The following NRDE2 variants were observed in gnomAD, a reference collection of about 807,000 sequenced individuals.
NRDE2 encodes nuclear exosome regulator NRDE2.
NRDE2 carries 76 observed loss-of-function variants against 124.2 expected under a neutral mutation model. The ratio of observed to expected loss-of-function variants is 0.61; its 90% CI spans 0.51 to 0.74. The LOEUF (loss-of-function observed/expected upper bound fraction) is 0.74. NRDE2 is among the 30% of genes least tolerant of loss of function. The pLI, the probability that NRDE2 is intolerant of heterozygous loss-of-function variation, is 0.00. For missense variants in NRDE2, 1,314 were observed against 1,417.3 expected (o/e 0.93, Z 1.17); for synonymous variants, 489 against 528.1 (o/e 0.93, Z 1.01).
intron 3 of NRDE2, among the ~76,000 whole-genome samples, chr14:90,313,600 G>A (rs1343326537): frequency 6.6e-5 from 10 of 152,218 alleles, no homozygotes; most frequent in South Asian, 6.2e-4. Context: ...AACCACTCCC[G>A]GGGCGTTAAG....
At chr14:90,279,197 A>C in intron 12 of NRDE2, 64 bp from the exon 13 acceptor site, 1 of 1,259,866 alleles carries the variant, frequency 7.9e-7, no homozygotes, top group Non-Finnish European at 1.2e-6. Flanking sequence ...GGCTACACAA[A>C]CGCCCCTGGA....
At position 90,277,583 on chromosome 14, in the gene NRDE2, G is replaced by A. The variant is rs781278602; in HGVS notation, c.*753C>T. ...AGCAGCGTTGCTGCACAAGCGTGCC[G>A]GGCCCCTCATGCAGGCAGGGCTGGG... On this transcript the variant is annotated 3_prime_UTR_variant, in exon 14 of 14. Transcript: ENST00000354366. 6.6e-6 allele frequency: 1 copy of A among 152,348 alleles called. No individual in the cohort carries two copies. Among genetic ancestry groups the A allele is most frequent in the Non-Finnish European group, 1.5e-5 (1 of 68,136 alleles). 9.4% of individuals were successfully genotyped at this position (152,348 alleles called of 1,614,324 possible).
intron 8 of NRDE2, among the ~76,000 whole-genome samples, chr14:90,294,503 C>T (rs557336878): frequency 1.2e-4 from 18 of 152,194 alleles, no homozygotes; most frequent in African/African-American, 3.4e-4. Context: ...GAGAAGTGTT[C>T]GGCTTTAAAA....
chr14:90,328,325 A>G (rs1031468059), intron 1 of NRDE2, among the ~76,000 whole-genome samples: 1 of 149,456 alleles, frequency 6.7e-6, no homozygotes, highest in Non-Finnish European at 1.5e-5. Context: ...AAAAAAAAAG[A>G]AAAAAGTATT....
chr14:90,327,160 C>A (rs1480928660), intron 1 of NRDE2, among the ~76,000 whole-genome samples: 2 of 152,194 alleles, frequency 1.3e-5, no homozygotes, highest in Non-Finnish European at 2.9e-5. Context: ...CCAGGATTCC[C>A]TGGAGAAATG....
rs185891535 is a variant in NRDE2 at position 90,269,390 on chromosome 14, T to C, written c.*8946A>G. The C allele has an allele frequency of 1.2e-4, 193 of 1,595,872 alleles. No individual in the cohort carries two copies. The highest frequency in any genetic ancestry group is 9.1e-4 in the Middle Eastern group (4 of 4,380). Reference sequence around the variant, plus strand: ...TCTTCATTCCTTCCCTTTTTTTTTTTCCAAAGATATGACTCCAATTCTGGT... The same window carrying C: ...TCTTCATTCCTTCCCTTTTTTTTTTCCCAAAGATATGACTCCAATTCTGGT... On this transcript the variant is annotated 3_prime_UTR_variant, in exon 14 of 14. Coordinates refer to ENST00000354366, the MANE Select transcript of NRDE2 (RefSeq NM_017970.4).
intron 2 of NRDE2, among the ~76,000 whole-genome samples, chr14:90,317,239 C>A (rs968728563): frequency 6.6e-6 from 1 of 151,910 alleles, no homozygotes; most frequent in African/African-American, 2.4e-5. Context: ...CGTAGCAAGA[C>A]CTCATCTTTA....
intron 7 of NRDE2, 82 bp from the exon 8 acceptor site, chr14:90,298,462 TAA>T (rs1884264490): frequency 1.5e-6 from 2 of 1,359,874 alleles, no homozygotes; most frequent in South Asian, 2.3e-5. Flanking sequence ...CTGGTGGATA[TAA>T]GAGAAGCTTA....
chr14:90,309,102 C>G (rs965663158), intron 4 of NRDE2, among the ~76,000 whole-genome samples: 2 of 151,924 alleles, frequency 1.3e-5, no homozygotes, highest in East Asian at 1.9e-4. Flanking sequence ...TACAAAAAAA[C>G]TAGCCGGGCA....
In NRDE2 at chr14:90,298,308, C is replaced by A. The variant is rs1335463892; in HGVS notation, c.1618G>T (p.Ala540Ser). 6.2e-7 allele frequency: 1 copy of A among 1,613,596 alleles called. No homozygotes were observed. The highest frequency in any genetic ancestry group is 1.3e-5 in the African/African-American group (1 of 74,936). Residue 540 changes from alanine to serine, a missense_variant, in exon 8 of 14, where the codon GCG becomes TCG. By Grantham distance (99) the Ala-to-Ser change is moderately conservative (BLOSUM62 1). Coordinates refer to ENST00000354366, the MANE Select transcript of NRDE2 (RefSeq NM_017970.4). ...CCTCGTTCCTGCTGGTGCATCCACG[C>A]CTTCCAGCCTCGGGCTCCCTTCTCC... ...AGEKGARGWK[A>S]WMHQQERGGW...
In NRDE2 at chr14:90,292,762, G is replaced by A. The variant is rs371856577; in HGVS notation, c.1777C>T (p.Arg593Trp). 7 of 1,614,174 alleles carry A rather than the reference G, an allele frequency of 4.3e-6. No homozygotes were observed. The Admixed American group carries it at 5.0e-5, about 12-fold the overall frequency. Residue 593 changes from arginine (R) to tryptophan (W), a missense_variant, in exon 9 of 14, where the codon CGG (arginine) becomes TGG (tryptophan). Coordinates refer to ENST00000354366, the MANE Select transcript of NRDE2 (RefSeq NM_017970.4). ...AERSRDQRHW[R>W]PWRPDKTKKQ... The stretch of plus-strand genomic sequence containing the variant: ...TTGGTCTTATCAGGGCGCCAGGGCC[G>A]CCAGTGCCTCTGGTCACGGGAACGC...
At chr14:90,308,691 A>C (rs1011929754) in intron 4 of NRDE2, among the ~76,000 whole-genome samples, 2 of 152,196 alleles carry the variant, frequency 1.3e-5, no homozygotes, top group Non-Finnish European at 2.9e-5. Context: ...TCAGTACCTG[A>C]CACAAAATTG....
Position 90,288,616 on chromosome 14 carries a change from A to G in NRDE2, c.2759T>C (p.Ile920Thr), listed in dbSNP as rs1159994336. Residue 920 changes from isoleucine to threonine, a missense_variant, in exon 11 of 14, where the codon ATT (isoleucine) becomes ACT (threonine). Ile to Thr is a moderately conservative substitution (Grantham distance 89). Transcript: ENST00000354366. ...TTCGTATATCTGCACAGCAGCATCA[A>G]TCCCTATGGTCAAATACTGGAAGAG... ...FMLFQYLTIG[I>T]DAAVQIYEQV... 2 of 1,614,176 alleles carry G rather than the reference A, an allele frequency of 1.2e-6. No homozygotes were observed. Among genetic ancestry groups the G allele is most frequent in the South Asian group, 1.1e-5 (1 of 91,090 alleles).
At chr14:90,302,220 T>G (rs1411497789) in intron 6 of NRDE2, among the ~76,000 whole-genome samples, 1 of 152,192 alleles carries the variant, frequency 6.6e-6, no homozygotes, top group Non-Finnish European at 1.5e-5. Flanking sequence ...AAAGTGATAC[T>G]CTCTGGCTCT....
intron 7 of NRDE2, among the ~76,000 whole-genome samples, chr14:90,299,812 AT>A (rs953731830): frequency 2.0e-5 from 3 of 152,078 alleles, no homozygotes; most frequent in Non-Finnish European, 4.4e-5. Flanking sequence ...AAGAAAAAAA[AT>A]TTTTTTTAAA....
chr14:90,316,315 T>C (rs1434512109), intron 3 of NRDE2, among the ~76,000 whole-genome samples: 1 of 152,222 alleles, frequency 6.6e-6, no homozygotes, highest in African/African-American at 2.4e-5. Context: ...AGACCCACTG[T>C]GGCACATCTG....
intron 1 of NRDE2, among the ~76,000 whole-genome samples, chr14:90,331,422 T>C (rs1001756202): frequency 6.6e-6 from 1 of 152,134 alleles, no homozygotes; most frequent in Non-Finnish European, 1.5e-5. Flanking sequence ...GTAATACCAA[T>C]CTAATAAGCA....
At position 90,298,325 on chromosome 14, in the gene NRDE2, C is replaced by T; in HGVS notation, c.1601G>A (p.Gly534Glu). 6.2e-7 allele frequency: 1 copy of T among 1,613,738 alleles called. No homozygotes were observed. The highest frequency in any genetic ancestry group is 8.5e-7 in the Non-Finnish European group (1 of 1,179,958). The change falls in exon 8 of 14, where the codon GGA (glycine) becomes GAA (glutamate). Residue 534 changes from glycine to glutamate, a missense_variant. Physicochemically the swap from Gly to Glu is moderately conservative, Grantham distance 98. Coordinates refer to ENST00000354366, the MANE Select transcript of NRDE2 (RefSeq NM_017970.4). ...CATCCACGCCTTCCAGCCTCGGGCTCCCTTCTCCCCAGCCCGGGGCTCTCC... is the reference window on the plus strand; with the variant it reads ...CATCCACGCCTTCCAGCCTCGGGCTTCCTTCTCCCCAGCCCGGGGCTCTCC... ...DSGEPRAGEKGARGWKAWMHQ... is the reference protein window; with the variant it reads ...DSGEPRAGEKEARGWKAWMHQ...
chr14:90,297,286 T>C (rs1884206987), intron 8 of NRDE2, among the ~76,000 whole-genome samples: 1 of 152,098 alleles, frequency 6.6e-6, no homozygotes, highest in Non-Finnish European at 1.5e-5. Context: ...AAGCATGCAA[T>C]TGGCATCTGA....
Sources: gnomAD v4.1 joint callset for allele counts (sites outside exome capture counted in the v4.1 genomes callset) on GRCh38, gnomAD v4.1.1 for gene constraint, MANE v1.5 for transcripts, NCBI Gene and HGNC (gene_info 2026-07-23, HGNC 2026-07-21) for gene names.